Variants in EDDM13 observed in about 807,000 individuals in gnomAD.
The protein encoded by EDDM13 is epididymal protein 13.
A neutral mutation model predicts 17.8 loss-of-function variants in EDDM13; 24 were observed. The ratio of observed to expected loss-of-function variants is 1.35; its 90% CI spans 0.98 to 1.90. The LOEUF (loss-of-function observed/expected upper bound fraction) is 1.90, where lower values mean the gene tolerates loss of function less well. Ranked by LOEUF, EDDM13 falls within the 40% of genes most tolerant of loss-of-function variation. The pLI is 0.00. For missense variants in EDDM13, 97 were observed against 100.8 expected (o/e 0.96, Z 0.16); for synonymous variants, 31 against 37.5 (o/e 0.83, Z 0.63).
chr19:56,302,563 C>CCTTCCTTTTCTTCCTCCCCCT (rs2040369781), intron 13 of EDDM13, among the ~76,000 whole-genome samples: 2 of 92,966 alleles, frequency 2.2e-5, no homozygotes, highest in African/African-American at 1.1e-4. Flanking sequence ...CTCCCTCCCC[C>CCTTCCTTTTCTTCCTCCCCCT]CTTCCTTTTC....
chr19:56,305,940 T>C (rs532930249), intron 14 of EDDM13, among the ~76,000 whole-genome samples: 81 of 140,180 alleles, frequency 5.8e-4, no homozygotes, highest in African/African-American at 2.2e-3. Flanking sequence ...GTGGCCTAGA[T>C]GTGCCTGGAG....
At chr19:56,295,521 G>A (rs1052711443) in intron 9 of EDDM13, among the ~76,000 whole-genome samples, 2 of 152,082 alleles carry the variant, frequency 1.3e-5, no homozygotes, top group African/African-American at 2.4e-5. Flanking sequence ...CTTGAACCCG[G>A]GAGGCAGAAG....
Position 56,282,473 on chromosome 19 carries a change from C to T in EDDM13, c.110-18C>T. ...GCTACCATCGGTCCTGTCCTTCCTGCTGCTTGTCTGCCAACAGTGCTGAAA... is the reference window on the plus strand; with the variant it reads ...GCTACCATCGGTCCTGTCCTTCCTGTTGCTTGTCTGCCAACAGTGCTGAAA... On this transcript the variant is annotated intron_variant, in intron 3 of 14. Coordinates refer to ENST00000649256, the MANE Select transcript of EDDM13 (RefSeq NM_001354658.2). 7.1e-6 allele frequency: 7 copies of T among 985,302 alleles called. No homozygotes were observed. Among genetic ancestry groups the T allele is most frequent in the Non-Finnish European group, 8.4e-6 (7 of 829,846 alleles). The allele number at this position is 985,302 out of a possible 1,614,324, so 61.0% of individuals were successfully genotyped here.
chr19:56,280,446 T>C (rs2038605863), intron 2 of EDDM13, among the ~76,000 whole-genome samples: 1 of 152,236 alleles, frequency 6.6e-6, no homozygotes, highest in East Asian at 1.9e-4. Flanking sequence ...ATAGGATATA[T>C]ATCAATGTAG....
chr19:56,302,350 CTT>C (rs1192553622), intron 13 of EDDM13, among the ~76,000 whole-genome samples: 7 of 143,478 alleles, frequency 4.9e-5, no homozygotes, highest in Non-Finnish European at 7.6e-5. Flanking sequence ...TTTCCTCTTC[CTT>C]TTTTCTTCCC....
At chr19:56,290,452 A>G (rs2039437013) in intron 8 of EDDM13, among the ~76,000 whole-genome samples, 1 of 152,204 alleles carries the variant, frequency 6.6e-6, no homozygotes, top group South Asian at 2.1e-4. Flanking sequence ...TCTGAGCTAG[A>G]GCAGTGCTTC....
intron 6 of EDDM13, among the ~76,000 whole-genome samples, chr19:56,285,685 C>T (rs757000851): frequency 1.8e-4 from 27 of 151,964 alleles, no homozygotes; most frequent in Admixed American, 2.6e-4. Flanking sequence ...TTCACTATGT[C>T]GGCCAGGCTG....
chr19:56,279,866 TTTA>T (rs1199210553), intron 2 of EDDM13, among the ~76,000 whole-genome samples: 4 of 152,290 alleles, frequency 2.6e-5, no homozygotes, highest in East Asian at 1.9e-4. Flanking sequence ...GTTAAATTAT[TTTA>T]TTAATATTTC....
chr19:56,307,363 G>A (rs914183247), intron 14 of EDDM13, among the ~76,000 whole-genome samples: 1 of 152,150 alleles, frequency 6.6e-6, no homozygotes, highest in Non-Finnish European at 1.5e-5. Context: ...ACTATGATGA[G>A]TGTCTTTCAA....
chr19:56,302,881 G>A, intron 13 of EDDM13: 1 of 398,684 alleles, frequency 2.5e-6, no homozygotes, highest in Non-Finnish European at 4.4e-6. Flanking sequence ...GGTTGCTGGG[G>A]ACTCTGATGG....
intron 12 of EDDM13, chr19:56,299,840 C>T (rs1208886754): frequency 1.9e-4 from 29 of 152,064 alleles, no homozygotes; most frequent in Admixed American, 1.9e-3. Flanking sequence ...ATGCAGAGTC[C>T]AGCGACACAG....
At chr19:56,273,045 A>C in intron 1 of EDDM13, 126 bp downstream of exon 1, 2 of 239,316 alleles carry the variant, frequency 8.4e-6, no homozygotes, top group Non-Finnish European at 1.4e-5. Flanking sequence ...CCATTTAGAC[A>C]TTCACATTTC....
At chr19:56,286,727 T>A (rs764900406) in intron 6 of EDDM13, 7 of 152,328 alleles carry the variant, frequency 4.6e-5, no homozygotes, top group African/African-American at 1.7e-4. Context: ...TGAAAGAGAA[T>A]TGGAGAGAGA....
intron 1 of EDDM13, among the ~76,000 whole-genome samples, chr19:56,273,273 C>T (rs1301739880): frequency 6.6e-6 from 1 of 152,164 alleles, no homozygotes; most frequent in Non-Finnish European, 1.5e-5. Flanking sequence ...TTGTGCAGTG[C>T]CTGGAAGTCA....
chr19:56,286,091 A>G (rs2039097815), intron 6 of EDDM13, among the ~76,000 whole-genome samples: 4 of 152,046 alleles, frequency 2.6e-5, no homozygotes. Context: ...GTGAGATCTC[A>G]GCTCATTGCA....
rs553965645 is a variant in EDDM13, at chr19:56,296,848, A to G, written c.268+486A>G. Among the ~76,000 whole-genome samples, 241 of 152,276 alleles carry G rather than the reference A, an allele frequency of 1.6e-3. 1 individual carries two copies. The highest frequency in any genetic ancestry group is 3.4e-3 in the Middle Eastern group (1 of 294). On this transcript the variant is annotated intron_variant, in intron 11 of 14. Transcript: ENST00000649256. ...CAGAAGTTCGAGACCAGCCTGGCCA[A>G]CATGGTGAAACTCCGTCTCTACTAA...
chr19:56,292,458 C>CTTTTTTTTTTTTTTTTACT (rs899365291), intron 9 of EDDM13, among the ~76,000 whole-genome samples: 5 of 135,190 alleles, frequency 3.7e-5, no homozygotes, highest in East Asian at 4.3e-4. Context: ...TCTGTTTTTA[C>CTTTTTTTTTTTTTTTTACT]TTTTTTTTTT....
At chr19:56,289,272 AG>A (rs888533479) in intron 8 of EDDM13, among the ~76,000 whole-genome samples, 1 of 152,182 alleles carries the variant, frequency 6.6e-6, no homozygotes, top group African/African-American at 2.4e-5. Context: ...ACTAAGTGTA[AG>A]CTATGTCTTT....
intron 7 of EDDM13, among the ~76,000 whole-genome samples, 156 bp from the exon 8 acceptor site, chr19:56,288,718 G>T (rs1397481243): frequency 6.6e-6 from 1 of 152,090 alleles, no homozygotes; most frequent in Non-Finnish European, 1.5e-5. Flanking sequence ...GAGTGAATTG[G>T]GTTGCCTCAT....
Sources: allele counts gnomAD v4.1 joint callset (sites outside exome capture counted in the v4.1 genomes callset), GRCh38; gene constraint gnomAD v4.1.1; transcripts MANE v1.5; gene names NCBI Gene and HGNC (gene_info 2026-07-23, HGNC 2026-07-21).